FOXJ3: variants seen among roughly 807,000 people sequenced by gnomAD.
The protein encoded by FOXJ3 is forkhead box J3.
In FOXJ3, 22 loss-of-function variants were observed where a neutral mutation model predicts 76.1. The ratio of observed to expected loss-of-function variants is 0.29; its 90% CI spans 0.21 to 0.41. The LOEUF is 0.41. Ranked by LOEUF, FOXJ3 falls within the 10% of genes least tolerant of loss-of-function variation. FOXJ3 has a pLI of 1.00. For synonymous variants in FOXJ3, 269 were observed against 261.2 expected, an observed-to-expected ratio of 1.03 and a Z score of -0.29; for missense variants, 613 against 762.1, an observed-to-expected ratio of 0.80 and a Z score of 2.30.
intron 1 of FOXJ3, chr1:42,315,217 A>T (rs1364626446): frequency 1.9e-5 from 3 of 155,762 alleles, no homozygotes; most frequent in African/African-American, 7.2e-5. Context: ...GACTGCTAGG[A>T]GGTTTCTTTT....
At chr1:42,237,446 A>T (rs1648767517) in intron 4 of FOXJ3, among the ~76,000 whole-genome samples, 1 of 147,544 alleles carries the variant, frequency 6.8e-6, no homozygotes, top group Admixed American at 6.8e-5. Context: ...ACATATATAT[A>T]TATACACATA....
chr1:42,210,302 T>G (rs1021341584), intron 5 of FOXJ3, among the ~76,000 whole-genome samples: 1 of 152,206 alleles, frequency 6.6e-6, no homozygotes, highest in Non-Finnish European at 1.5e-5. Context: ...CCATCTGGCT[T>G]TGTCCCTTCA....
At position 42,179,687 on chromosome 1, in the gene FOXJ3, C is replaced by A; in HGVS notation, c.*23G>T. 1 of 1,419,360 alleles carries A rather than the reference C, an allele frequency of 7.0e-7. No individual in the cohort carries two copies. The highest frequency in any genetic ancestry group is 1.0e-6 in the Non-Finnish European group (1 of 1,002,488). The allele number at this position is 1,419,360 out of a possible 1,614,324, so 87.9% of individuals were successfully genotyped here. Reference sequence around the variant, plus strand: ...CTGCACAGAAAGGTAACGTTAGGGTCTGGTGTCTTGCAGAAACAAGCCCTA... The same window carrying A: ...CTGCACAGAAAGGTAACGTTAGGGTATGGTGTCTTGCAGAAACAAGCCCTA... On this transcript the variant is annotated 3_prime_UTR_variant, in exon 13 of 13. Coordinates refer to ENST00000361346, the MANE Select transcript of FOXJ3 (RefSeq NM_014947.5).
At chr1:42,251,864 G>A (rs1342053282) in intron 4 of FOXJ3, among the ~76,000 whole-genome samples, 3 of 151,750 alleles carry the variant, frequency 2.0e-5, no homozygotes, top group Admixed American at 6.6e-5. Context: ...GACTACAGGC[G>A]CGCGCCACCA....
At chr1:42,242,622 T>C (rs1317837575) in intron 4 of FOXJ3, among the ~76,000 whole-genome samples, 4 of 150,308 alleles carry the variant, frequency 2.7e-5, no homozygotes, top group Admixed American at 6.6e-5. Flanking sequence ...ACTGCCATCA[T>C]TCATGCCACA....
At chr1:42,191,866 C>A (rs1488628815) in intron 8 of FOXJ3, 147 bp from the exon 9 acceptor site, 6 of 769,260 alleles carry the variant, frequency 7.8e-6, no homozygotes, top group Non-Finnish European at 1.2e-5. Context: ...ATCCACTGCA[C>A]ACTAGGCTCT....
chr1:42,185,061 T>C (rs1646407286), intron 11 of FOXJ3, among the ~76,000 whole-genome samples: 3 of 151,998 alleles, frequency 2.0e-5, no homozygotes, highest in African/African-American at 7.3e-5. Flanking sequence ...ATGGAGGGTT[T>C]TGAGCAGAAA....
In FOXJ3 at chr1:42,272,258, T is replaced by A. The variant is rs369598747; in HGVS notation, c.369+6090A>T. 5.3e-4 allele frequency among the ~76,000 whole-genome samples: 81 copies of A among 152,256 alleles called. 2 individuals carry two copies. In the South Asian group the frequency reaches 0.015, roughly 29 times the overall value. ...CTAAGTGACCTCCCATTTTCCCACA[T>A]CCTATCGCCTCCATACCTGAAGAAG... On this transcript the variant is annotated intron_variant, in intron 3 of 12. Transcript: ENST00000361346.
At chr1:42,193,771 G>T (rs1646596448) in intron 8 of FOXJ3, among the ~76,000 whole-genome samples, 1 of 151,982 alleles carries the variant, frequency 6.6e-6, no homozygotes, top group African/African-American at 2.4e-5. Context: ...TCTGAGTTGG[G>T]GTGCCACAGT....
At chr1:42,225,464 T>C (rs1647478368) in intron 5 of FOXJ3, among the ~76,000 whole-genome samples, 1 of 152,224 alleles carries the variant, frequency 6.6e-6, no homozygotes, top group Admixed American at 6.5e-5. Flanking sequence ...ATTCAGTTTA[T>C]CAGGGCAGGA....
At chr1:42,205,315 ATATCATGAAAATAGGT>A (rs140965391) in intron 6 of FOXJ3, among the ~76,000 whole-genome samples, 3,193 of 152,336 alleles carry the variant, frequency 0.021, 101 homozygotes, top group African/African-American at 0.073. Context: ...CTAGACTTGA[ATATCATGAAAATAGGT>A]AGACCACCAT....
At chr1:42,199,064 T>C in intron 7 of FOXJ3, 38 bp downstream of exon 7, 1 of 1,550,634 alleles carries the variant, frequency 6.4e-7, no homozygotes, top group Non-Finnish European at 8.9e-7. Flanking sequence ...AAGTACTAAA[T>C]GAATAACTAT....
intron 5 of FOXJ3, among the ~76,000 whole-genome samples, chr1:42,223,369 A>G (rs975761821): frequency 2.0e-5 from 3 of 152,198 alleles, no homozygotes; most frequent in African/African-American, 7.2e-5. Context: ...TCAAAGTAAA[A>G]GTCCTGATCT....
chr1:42,181,865 T>TCA (rs143175153), intron 12 of FOXJ3, 52 bp downstream of exon 12: 79,281 of 952,512 alleles, frequency 0.083, 1,002 homozygotes, highest in Middle Eastern at 0.14. Flanking sequence ...CCTGGAGTGC[T>TCA]CACACACACA....
intron 2 of FOXJ3, 131 bp downstream of exon 2, chr1:42,310,919 C>A (rs1654766975): frequency 3.5e-6 from 2 of 565,088 alleles, no homozygotes; most frequent in Non-Finnish European, 6.2e-6. Context: ...CGCCAAATTG[C>A]ACTACTTGAC....
intron 4 of FOXJ3, among the ~76,000 whole-genome samples, chr1:42,230,899 T>C (rs560623421): frequency 2.0e-5 from 3 of 152,182 alleles, no homozygotes; most frequent in African/African-American, 4.8e-5. Flanking sequence ...TTAACACCCA[T>C]GTTCATAGTA....
At chr1:42,294,481 A>T (rs1429891192) in intron 2 of FOXJ3, among the ~76,000 whole-genome samples, 1 of 152,084 alleles carries the variant, frequency 6.6e-6, no homozygotes. Context: ...ACTTGAGGCC[A>T]GGCGCGGTGG....
At chr1:42,231,174 A>T (rs1376091667) in intron 4 of FOXJ3, among the ~76,000 whole-genome samples, 1 of 151,986 alleles carries the variant, frequency 6.6e-6, no homozygotes, top group African/African-American at 2.4e-5. Context: ...AAAATACAAA[A>T]AATTAGCAGG....
intron 1 of FOXJ3, among the ~76,000 whole-genome samples, chr1:42,328,170 C>T (rs554507267): frequency 6.6e-6 from 1 of 152,282 alleles, no homozygotes; most frequent in African/African-American, 2.4e-5. Context: ...GTGGTACGCA[C>T]CTCTAGTCCC....
Sources: allele counts gnomAD v4.1 joint callset (sites outside exome capture counted in the v4.1 genomes callset), GRCh38; gene constraint gnomAD v4.1.1; transcripts MANE v1.5; gene names NCBI Gene and HGNC (gene_info 2026-07-23, HGNC 2026-07-21).